Variants in RBFOX2 observed in about 807,000 individuals in gnomAD.
RBFOX2 encodes the protein RNA binding protein fox-1 homolog 2.
Under a neutral mutation model 49.1 loss-of-function variants are expected in RBFOX2, and 10 were observed. The ratio of observed to expected loss-of-function variants is 0.20; its 90% CI spans 0.13 to 0.35. The LOEUF (loss-of-function observed/expected upper bound fraction) is 0.35, where lower values mean the gene tolerates loss of function less well. Ranked by LOEUF, RBFOX2 falls within the 10% of genes least tolerant of loss-of-function variation. The pLI, the probability that RBFOX2 is intolerant of heterozygous loss-of-function variation, is 1.00. For missense variants in RBFOX2, 323 were observed against 486.9 expected, an observed-to-expected ratio of 0.66 and a Z score of 3.17; for synonymous variants, 183 against 187.4, an observed-to-expected ratio of 0.98 and a Z score of 0.19.
chr22:35,952,899 T>C (rs910830163), intron 1 of RBFOX2, among the ~76,000 whole-genome samples: 1 of 152,152 alleles, frequency 6.6e-6, no homozygotes, highest in Non-Finnish European at 1.5e-5. Flanking sequence ...CAGATGTTCA[T>C]GGCAACACTA....
intron 1 of RBFOX2, among the ~76,000 whole-genome samples, chr22:35,887,804 C>G (rs1184124295): frequency 1.3e-5 from 2 of 152,164 alleles, no homozygotes; most frequent in African/African-American, 4.8e-5. Flanking sequence ...CACCACCTCA[C>G]CTAAAGCCAT....
At chr22:35,943,980 G>A (rs2053986674) in intron 1 of RBFOX2, among the ~76,000 whole-genome samples, 1 of 152,210 alleles carries the variant, frequency 6.6e-6, no homozygotes, top group African/African-American at 2.4e-5. Flanking sequence ...AAGAAAAATA[G>A]CATCTGACTT....
chr22:35,810,053 C>A, intron 1 of RBFOX2, 49 bp from the exon 3 acceptor site: 1 of 1,561,790 alleles, frequency 6.4e-7, no homozygotes, highest in Non-Finnish European at 8.8e-7. Context: ...ATCCTTGTTA[C>A]GTAACTATTT....
intron 1 of RBFOX2, among the ~76,000 whole-genome samples, chr22:35,827,663 T>C (rs956647003): frequency 6.6e-6 from 1 of 152,222 alleles, no homozygotes; most frequent in Non-Finnish European, 1.5e-5. Flanking sequence ...AACAACACTT[T>C]ACTGACATCA....
intron 1 of RBFOX2, among the ~76,000 whole-genome samples, chr22:35,848,627 T>C (rs1358912811): frequency 6.6e-6 from 1 of 152,192 alleles, no homozygotes; most frequent in Non-Finnish European, 1.5e-5. Context: ...TTTAACTCTA[T>C]GCATTCCGGT....
chr22:35,996,614 A>G (rs1423754913), intron 1 of RBFOX2: 1 of 151,888 alleles, frequency 6.6e-6, no homozygotes, highest in African/African-American at 2.4e-5. Context: ...CTGTCTCAAA[A>G]AAAAAAAAAA....
At chr22:35,775,407 C>T (rs568408024) in intron 4 of RBFOX2, among the ~76,000 whole-genome samples, 1 of 152,156 alleles carries the variant, frequency 6.6e-6, no homozygotes, top group East Asian at 1.9e-4. Context: ...CTTTAGCAGC[C>T]CAAAGAAAAA....
At chr22:35,981,748 C>A (rs1158600124) in intron 1 of RBFOX2, among the ~76,000 whole-genome samples, 1 of 151,886 alleles carries the variant, frequency 6.6e-6, no homozygotes, top group African/African-American at 2.4e-5. Flanking sequence ...TGAATATAAC[C>A]ATTTTTATGG....
intron 1 of RBFOX2, among the ~76,000 whole-genome samples, chr22:35,821,292 A>C (rs1484022586): frequency 6.6e-6 from 1 of 152,154 alleles, no homozygotes; most frequent in Non-Finnish European, 1.5e-5. Flanking sequence ...AGGTAAGAAG[A>C]GCTTATGATT....
chr22:35,891,001 T>C (rs934156149), intron 1 of RBFOX2, among the ~76,000 whole-genome samples: 2 of 152,084 alleles, frequency 1.3e-5, no homozygotes, highest in Non-Finnish European at 2.9e-5. Context: ...GAGGATGAAA[T>C]AGCACATAAA....
chr22:35,934,161 C>G (rs891796202), intron 1 of RBFOX2, among the ~76,000 whole-genome samples: 4 of 150,622 alleles, frequency 2.7e-5, no homozygotes, highest in African/African-American at 9.8e-5. Flanking sequence ...GACCGTGTTC[C>G]TCTTTAAAAA....
At chr22:35,819,524 ATCT>A (rs1164018549) in intron 1 of RBFOX2, among the ~76,000 whole-genome samples, 7 of 152,200 alleles carry the variant, frequency 4.6e-5, no homozygotes, top group African/African-American at 1.4e-4. Context: ...TAGTTAATTT[ATCT>A]TCTTCTTAAA....
At chr22:35,973,992 G>T (rs2057016062) in intron 1 of RBFOX2, among the ~76,000 whole-genome samples, 1 of 152,128 alleles carries the variant, frequency 6.6e-6, no homozygotes, top group Non-Finnish European at 1.5e-5. Context: ...GAAACAGCAG[G>T]GTCACATTTC....
At chr22:35,834,554 G>C (rs1305039292) in intron 1 of RBFOX2, among the ~76,000 whole-genome samples, 1 of 152,154 alleles carries the variant, frequency 6.6e-6, no homozygotes, top group Non-Finnish European at 1.5e-5. Context: ...ATGAAGGTAG[G>C]AGTGATGAGG....
At chr22:35,990,385 G>C (rs1043663710) in intron 1 of RBFOX2, among the ~76,000 whole-genome samples, 4 of 152,164 alleles carry the variant, frequency 2.6e-5, no homozygotes, top group Admixed American at 2.0e-4. Flanking sequence ...ACAAGACAGG[G>C]AAGGGAGCAA....
At chr22:35,754,370 C>T (rs1383999772) in intron 9 of RBFOX2, among the ~76,000 whole-genome samples, 1 of 151,804 alleles carries the variant, frequency 6.6e-6, no homozygotes, top group Non-Finnish European at 1.5e-5. Context: ...GGATTACAGG[C>T]CTGAGCCACT....
chr22:35,739,220 G>A (rs933612806), exon 12 of RBFOX2: 4 of 152,642 alleles, frequency 2.6e-5, no homozygotes, highest in Non-Finnish European at 5.9e-5. Flanking sequence ...GGGAGGGGCT[G>A]GAGGAACAGC....
chr22:35,812,612 T>C (rs1952128649), intron 1 of RBFOX2, among the ~76,000 whole-genome samples: 1 of 152,154 alleles, frequency 6.6e-6, no homozygotes, highest in Non-Finnish European at 1.5e-5. Context: ...GACTGGTGAA[T>C]GAAACACAAT....
At chr22:35,923,981 C>T (rs1376126797) in intron 1 of RBFOX2, among the ~76,000 whole-genome samples, 2 of 151,918 alleles carry the variant, frequency 1.3e-5, no homozygotes, top group African/African-American at 2.4e-5. Flanking sequence ...TAAATAAATG[C>T]CCAGTGCAAA....
Sources: allele counts gnomAD v4.1 joint callset (sites outside exome capture counted in the v4.1 genomes callset), GRCh38; gene constraint gnomAD v4.1.1; transcripts MANE v1.5; gene names NCBI Gene and HGNC (gene_info 2026-07-23, HGNC 2026-07-21).